The following NECTIN4 variants were observed in gnomAD, a reference collection of about 807,000 sequenced individuals.
The protein encoded by NECTIN4 is nectin cell adhesion molecule 4.
Under a neutral mutation model 51.7 loss-of-function variants are expected in NECTIN4, and 19 were observed. The observed-to-expected ratio is 0.37, with a 90% CI of 0.26 to 0.54. NECTIN4 has a LOEUF of 0.54. Ranked by LOEUF, NECTIN4 falls within the 20% of genes least tolerant of loss-of-function variation. The pLI is 0.86. For missense variants in NECTIN4, 619 were observed against 662.4 expected (o/e 0.93, Z 0.72); for synonymous variants, 283 against 286.9 (o/e 0.99, Z 0.14).
chr1:161,088,730 A>G (rs1326976913), intron 1 of NECTIN4, among the ~76,000 whole-genome samples: 1 of 152,118 alleles, frequency 6.6e-6, no homozygotes, highest in Non-Finnish European at 1.5e-5. Context: ...GGAAATAGAA[A>G]TCCCCCATCC....
At chr1:161,079,569 T>C (rs764565766) in intron 2 of NECTIN4, 21 bp downstream of exon 2, 1,324 of 1,601,710 alleles carry the variant, frequency 8.3e-4, no homozygotes, top group Non-Finnish European at 1.0e-3. Flanking sequence ...GCTCAGACCG[T>C]ACCCAGAGAT....
intron 2 of NECTIN4, among the ~76,000 whole-genome samples, 197 bp downstream of exon 2, chr1:161,079,393 C>T (rs1307069517): frequency 2.6e-5 from 4 of 152,246 alleles, no homozygotes; most frequent in Non-Finnish European, 4.4e-5. Context: ...ATGGATTCTT[C>T]CCCAGCTTTT....
intron 2 of NECTIN4, 63 bp downstream of exon 2, chr1:161,079,527 C>A (rs1427491807): frequency 6.3e-7 from 1 of 1,587,602 alleles, no homozygotes; most frequent in Non-Finnish European, 8.5e-7. Context: ...TCTCTGCAGT[C>A]CCCATCTCTG....
rs1653179799 is a variant in NECTIN4 at position 161,071,859 on chromosome 1, A to C, written c.*802T>G. 1 of 152,022 alleles carries C rather than the reference A, an allele frequency of 6.6e-6. No homozygotes were observed. Among genetic ancestry groups the C allele is most frequent in the South Asian group, 2.1e-4 (1 of 4,828 alleles). The allele number at this position is 152,022 out of a possible 1,614,324, so 9.4% of individuals were successfully genotyped here. ...CATCTCTAAAAAAAAATAAAAATAA[A>C]AATAAATAAAAAATACAACTAATGG... On this transcript the variant is annotated 3_prime_UTR_variant, in exon 9 of 9. Coordinates refer to ENST00000368012, the MANE Select transcript of NECTIN4 (RefSeq NM_030916.3).
Position 161,074,269 on chromosome 1 carries a change from C to A in NECTIN4, c.1105G>T (p.Val369Leu). The A allele has an allele frequency of 6.2e-7, 1 of 1,612,794 alleles. No homozygotes were observed. The highest frequency in any genetic ancestry group is 1.1e-5 in the South Asian group (1 of 91,056). Residue 369 changes from valine to leucine, a missense_variant, in exon 6 of 9, where the codon GTG (valine) becomes TTG (leucine). By Grantham distance (32) the Val-to-Leu change is conservative. Transcript: ENST00000368012. ...LLFCLLVVVVVLMSRYHRRKA... is the reference protein window; with the variant it reads ...LLFCLLVVVVLLMSRYHRRKA... ...CGCCGATGGTATCGGGACATGAGCACCACCACCACCACCAGAAGGCAGAAC... is the reference window on the plus strand; with the variant it reads ...CGCCGATGGTATCGGGACATGAGCAACACCACCACCACCAGAAGGCAGAAC...
chr1:161,073,337 C>T (rs1653266278), intron 7 of NECTIN4, 38 bp from the exon 8 acceptor site: 2 of 1,566,358 alleles, frequency 1.3e-6, no homozygotes, highest in South Asian at 1.1e-5. Context: ...GAACAGGGCT[C>T]AGCCTCCTCC....
intron 1 of NECTIN4, among the ~76,000 whole-genome samples, chr1:161,081,389 GGGATTT>G (rs1217610642): frequency 6.6e-6 from 1 of 152,008 alleles, no homozygotes; most frequent in Admixed American, 6.6e-5. Context: ...AGATTTGACA[GGGATTT>G]GGTCACTGAC....
chr1:161,073,235 C>T lies in NECTIN4; in HGVS notation c.1298G>A (p.Cys433Tyr). The change falls in exon 8 of 9, where the codon TGC (cysteine) becomes TAC (tyrosine). Residue 433 changes from cysteine to tyrosine, a missense_variant. This residue lies in a region of NECTIN4 where 364 missense variants were observed against 415.7 expected (regional missense o/e 0.88). Transcript: ENST00000368012. Reference protein sequence around the residue: ...HPDSLKDNSSCSVMSEEPEGR... With the variant: ...HPDSLKDNSSYSVMSEEPEGR... ...GGCCGGGGGCCTCACCATCACAGAGCAGCTACTGTTGTCCTTGAGACTATC... is the reference window on the plus strand; with the variant it reads ...GGCCGGGGGCCTCACCATCACAGAGTAGCTACTGTTGTCCTTGAGACTATC... The T allele has an allele frequency of 1.9e-6, 3 of 1,614,066 alleles. No homozygotes were observed. The highest frequency in any genetic ancestry group is 2.5e-6 in the Non-Finnish European group (3 of 1,179,930).
chr1:161,083,575 T>A (rs1653795785), intron 1 of NECTIN4, among the ~76,000 whole-genome samples: 1 of 152,092 alleles, frequency 6.6e-6, no homozygotes, highest in South Asian at 2.1e-4. Flanking sequence ...GGTTAGACAC[T>A]CCTCCCTCTG....
In NECTIN4 at chr1:161,073,346, C is replaced by A. The variant is rs73019796; in HGVS notation, c.1234-47G>T. The A allele has an allele frequency of 2.7e-3, 4,074 of 1,519,070 alleles. 100 individuals are homozygous for A. The African/African-American group carries it at 0.051, about 19-fold the overall frequency. The allele number at this position is 1,519,070 out of a possible 1,614,324, so 94.1% of individuals were successfully genotyped here. On this transcript the variant is annotated intron_variant, in intron 7 of 8. Coordinates refer to ENST00000368012, the MANE Select transcript of NECTIN4 (RefSeq NM_030916.3). ...CAGTTAGAACAGGGCTCAGCCTCCT[C>A]CCCTCAGCCTCTTCCCCTCTTGTCC...
chr1:161,083,611 T>G (rs1653799159), intron 1 of NECTIN4, among the ~76,000 whole-genome samples: 1 of 152,004 alleles, frequency 6.6e-6, no homozygotes. Context: ...CTCCCTGGAG[T>G]ACCAGGACGC....
chr1:161,073,390 A>G, intron 7 of NECTIN4, 91 bp from the exon 8 acceptor site: 1 of 1,086,802 alleles, frequency 9.2e-7, no homozygotes, highest in Non-Finnish European at 1.4e-6. Flanking sequence ...CCTCCTCCCT[A>G]CTTGCCTGTC....
chr1:161,088,859 G>A (rs1159021340), intron 1 of NECTIN4, among the ~76,000 whole-genome samples: 1 of 152,092 alleles, frequency 6.6e-6, no homozygotes, highest in Non-Finnish European at 1.5e-5. Flanking sequence ...GGCACCTCTA[G>A]GAAACCCTGG....
At chr1:161,077,807 T>C in intron 2 of NECTIN4, 64 bp from the exon 3 acceptor site, 2 of 1,471,410 alleles carry the variant, frequency 1.4e-6, no homozygotes, top group Non-Finnish European at 1.8e-6. Context: ...CCCCCACTCA[T>C]CGCATTTCAG....
chr1:161,083,516 A>AG (rs2101673943), intron 1 of NECTIN4, among the ~76,000 whole-genome samples: 1 of 152,324 alleles, frequency 6.6e-6, no homozygotes, highest in East Asian at 1.9e-4. Context: ...GGCCAAGCCC[A>AG]GGGACCCTTC....
chr1:161,074,744 C>T lies in NECTIN4; in HGVS notation c.867G>A (p.Leu289=), dbSNP rs746587746. The T allele has an allele frequency of 3.7e-6, 6 of 1,613,630 alleles. No individual in the cohort carries two copies. Among genetic ancestry groups the T allele is most frequent in the Admixed American group, 3.3e-5 (2 of 59,994 alleles). ...CCCCATCCACTCGTACCCCACTGGG[C>T]AGAGGCCCATCCAGCCTGGAAGACA... The part of the protein sequence containing the change: ...SYNWTRLDGP[L]PSGVRVDGDT... Residue 289 remains leucine, a synonymous_variant, in exon 5 of 9, where the codon CTG becomes CTA. Coordinates refer to ENST00000368012, the MANE Select transcript of NECTIN4 (RefSeq NM_030916.3).
chr1:161,079,884 T>C lies in NECTIN4; in HGVS notation c.145A>G (p.Lys49Glu), dbSNP rs1426291773. The C allele has an allele frequency of 6.2e-7, 1 of 1,613,744 alleles. No homozygotes were observed. The highest frequency in any genetic ancestry group is 8.5e-7 in the Non-Finnish European group (1 of 1,179,910). Residue 49 changes from lysine to glutamate, a missense_variant, in exon 2 of 9, where the codon AAA becomes GAA. Lys to Glu is a moderately conservative substitution (Grantham distance 56). Coordinates refer to ENST00000368012, the MANE Select transcript of NECTIN4 (RefSeq NM_030916.3). ...TCCCCTCGGTAGAAGCAGGGCAGTT[T>C]TGCGTCCTGGCCCAGCACCACAGTT... is the stretch of plus-strand genomic sequence containing the variant. The part of the protein sequence containing the change: ...VVTVVLGQDA[K>E]LPCFYRGDSG...
intron 1 of NECTIN4, among the ~76,000 whole-genome samples, chr1:161,081,483 A>G (rs1358246225): frequency 6.6e-6 from 1 of 152,200 alleles, no homozygotes; most frequent in Admixed American, 6.5e-5. Context: ...TGAGGGAGAC[A>G]GGGCCTGAGG....
chr1:161,085,922 G>C (rs1653925337), intron 1 of NECTIN4, among the ~76,000 whole-genome samples: 1 of 151,974 alleles, frequency 6.6e-6, no homozygotes, highest in Non-Finnish European at 1.5e-5. Context: ...TGGCCTCAAG[G>C]GATTCACCTG....
Sources: gnomAD v4.1 joint callset for allele counts (sites outside exome capture counted in the v4.1 genomes callset) on GRCh38, gnomAD v4.1.1 for gene constraint, gnomAD v4.1.1 regional missense constraint, MANE v1.5 for transcripts, NCBI Gene and HGNC (gene_info 2026-07-23, HGNC 2026-07-21) for gene names.